The following NUP35 variants were observed in gnomAD, a reference collection of about 807,000 sequenced individuals.
NUP35 encodes nucleoporin NUP35.
NUP35 carries 25 observed loss-of-function variants against 41.5 expected under a neutral mutation model. That is an observed-to-expected ratio of 0.60 (90% CI 0.44 to 0.84). NUP35 has a LOEUF of 0.84. Among genes scored for constraint, NUP35 ranks in the 40% least tolerant of loss-of-function variants. The pLI is 0.00. For synonymous variants in NUP35, 149 were observed against 130.7 expected, an observed-to-expected ratio of 1.14 and a Z score of -0.96; for missense variants, 396 against 396.6, an observed-to-expected ratio of 1.00 and a Z score of 0.01.
intron 4 of NUP35, among the ~76,000 whole-genome samples, chr2:183,138,355 A>G (rs963959682): frequency 2.0e-5 from 3 of 148,204 alleles, no homozygotes; most frequent in Admixed American, 6.8e-5. Flanking sequence ...GAGATTGGCA[A>G]GTTTTATAAA....
In NUP35 at chr2:183,127,117, C is replaced by T. The variant is rs143267885; in HGVS notation, c.41-1170C>T. On this transcript the variant is annotated intron_variant, in intron 1 of 8. Coordinates refer to ENST00000295119, the MANE Select transcript of NUP35 (RefSeq NM_138285.5). The stretch of plus-strand genomic sequence containing the variant: ...TCCATAGCCCATTGTTTTCCTTATT[C>T]TGCTATTTTGCTCTGAAATTAGAAT... Among the ~76,000 whole-genome samples, 17 of 152,240 alleles carry T rather than the reference C, an allele frequency of 1.1e-4. No homozygotes were observed. In the East Asian group the frequency reaches 3.1e-3, roughly 28 times the overall value.
At chr2:183,138,265 A>AAATTT (rs1684957819) in intron 4 of NUP35, among the ~76,000 whole-genome samples, 1 of 69,190 alleles carries the variant, frequency 1.4e-5, no homozygotes, top group Non-Finnish European at 2.7e-5. Context: ...ATATATATAT[A>AAATTT]TATATTTTTT....
chr2:183,159,435 GGAT>G, intron 7 of NUP35, 50 bp from the exon 8 acceptor site: 1 of 1,365,992 alleles, frequency 7.3e-7, no homozygotes, highest in Non-Finnish European at 1.0e-6. Flanking sequence ...ATGTAATACT[GGAT>G]GATATGTATT....
At chr2:183,131,136 G>A in intron 3 of NUP35, 1 of 250,210 alleles carries the variant, frequency 4.0e-6, no homozygotes, top group Middle Eastern at 1.6e-3. Flanking sequence ...TGCTATGCCT[G>A]GCTAATTGTA....
At chr2:183,136,356 A>G (rs913289270) in intron 4 of NUP35, among the ~76,000 whole-genome samples, 2 of 152,228 alleles carry the variant, frequency 1.3e-5, no homozygotes, top group Non-Finnish European at 2.9e-5. Flanking sequence ...TCAGATGTCA[A>G]CAGGGCTGTG....
intron 4 of NUP35, among the ~76,000 whole-genome samples, chr2:183,137,546 A>G (rs1313442453): frequency 6.6e-6 from 1 of 152,216 alleles, no homozygotes; most frequent in African/African-American, 2.4e-5. Flanking sequence ...TGATCACACC[A>G]CTGCATTCCA....
intron 4 of NUP35, among the ~76,000 whole-genome samples, chr2:183,145,878 C>T (rs969705365): frequency 1.3e-5 from 2 of 152,076 alleles, no homozygotes; most frequent in African/African-American, 2.4e-5. Flanking sequence ...AAAGAGTTAT[C>T]AAGTAAAAAC....
intron 7 of NUP35, 73 bp downstream of exon 7, chr2:183,158,484 C>T (rs1685755969): frequency 1.9e-5 from 25 of 1,336,762 alleles, no homozygotes; most frequent in Admixed American, 1.2e-4. Flanking sequence ...TGAAATTGGT[C>T]GTTGTGTCAC....
rs9333283 is a variant in NUP35, at chr2:183,130,414, G to T, written c.212-4G>T. On this transcript the variant is annotated splice_region_variant and splice_polypyrimidine_tract_variant and intron_variant, in intron 2 of 8. Coordinates refer to ENST00000295119, the MANE Select transcript of NUP35 (RefSeq NM_138285.5). ...TTTTTTTTTTTTTTTTTTGTACACTGTAGGTGGGTCACCACCACAACCAGT... is the reference window on the plus strand; with the variant it reads ...TTTTTTTTTTTTTTTTTTGTACACTTTAGGTGGGTCACCACCACAACCAGT... 0.065 allele frequency: 85,573 copies of T among 1,320,294 alleles called. 3,053 individuals are homozygous for T. The highest frequency in any genetic ancestry group is 0.15 in the South Asian group (12,083 of 79,016). 81.8% of individuals were successfully genotyped at this position (1,320,294 alleles called of 1,614,324 possible). A position where few individuals can be genotyped will look rare whatever the true frequency, so the allele number is the denominator to read the frequency against.
At position 183,151,492 on chromosome 2, in the gene NUP35, A is replaced by G. The variant is rs1001145729; in HGVS notation, c.398-16A>G. The G allele has an allele frequency of 1.6e-5, 26 of 1,609,172 alleles. No homozygotes were observed. Among genetic ancestry groups the G allele is most frequent in the Non-Finnish European group, 2.2e-5 (26 of 1,178,572 alleles). ...TGTTTACACTGGCAACTAACTTGCT[A>G]AATATACTAATATAGGGCAAAGTAT... is the stretch of plus-strand genomic sequence containing the variant. On this transcript the variant is annotated splice_polypyrimidine_tract_variant and intron_variant, in intron 4 of 8. Transcript: ENST00000295119.
Position 183,158,334 on chromosome 2 carries a change from G to T in NUP35, c.661G>T (p.Ala221Ser), listed in dbSNP as rs1197295580. The T allele has an allele frequency of 1.2e-6, 2 of 1,608,514 alleles. No individual in the cohort carries two copies. Among genetic ancestry groups the T allele is most frequent in the South Asian group, 2.2e-5 (2 of 90,296 alleles). ...MHIRYQSKLQ[A>S]RKALSKDGRI... is the part of the protein sequence containing the mutation. ...TATTCGTTATCAATCTAAACTGCAG[G>T]CTCGGAAAGCCTTAAGCAAAGATGG... is the stretch of plus-strand genomic sequence containing the variant. Residue 221 changes from alanine to serine, a missense_variant, in exon 7 of 9, where the codon GCT (alanine) becomes TCT (serine). Transcript: ENST00000295119.
chr2:183,128,507 G>A (rs770460202), intron 2 of NUP35, 50 bp downstream of exon 2: 2 of 1,437,724 alleles, frequency 1.4e-6, no homozygotes, highest in Non-Finnish European at 1.9e-6. Flanking sequence ...ATACAGGGAT[G>A]TCCAATTTTT....
chr2:183,120,424 T>G (rs1700050612), upstream of NUP35, among the ~76,000 whole-genome samples: 1 of 134,742 alleles, frequency 7.4e-6, no homozygotes, highest in South Asian at 2.2e-4. Flanking sequence ...CCAGCCTGGA[T>G]GACAGAGTGA....
chr2:183,133,446 C>A, intron 3 of NUP35, 120 bp from the exon 4 acceptor site: 3 of 701,724 alleles, frequency 4.3e-6, no homozygotes, highest in Non-Finnish European at 4.6e-6. Context: ...GTACTTTGAG[C>A]TAATTAGAGG....
At chr2:183,148,021 T>G in intron 4 of NUP35, among the ~76,000 whole-genome samples, 1 of 152,180 alleles carries the variant, frequency 6.6e-6, no homozygotes, top group Admixed American at 6.5e-5. Context: ...TTTTTGTGAA[T>G]ACTTTTTTAA....
rs1449801624 is a variant in NUP35 at position 183,159,614 on chromosome 2, C to T, written c.865C>T (p.Leu289Phe). ...STPRISTMRP[L>F]ATAYKASTSD... is the part of the protein sequence containing the mutation. ...TCCTAGGATTTCTACCATGAGACCTCTTGCTACAGCATACAAAGCCTCTAC... is the reference window on the plus strand; with the variant it reads ...TCCTAGGATTTCTACCATGAGACCTTTTGCTACAGCATACAAAGCCTCTAC... The change falls in exon 8 of 9, where the codon CTT becomes TTT. Residue 289 changes from leucine (L) to phenylalanine (F), a missense_variant. Coordinates refer to ENST00000295119, the MANE Select transcript of NUP35 (RefSeq NM_138285.5). 1.2e-6 allele frequency: 2 copies of T among 1,613,202 alleles called. No homozygotes were observed. The highest frequency in any genetic ancestry group is 1.1e-5 in the South Asian group (1 of 91,054).
At chr2:183,117,772 T>C (rs943818321) in intron 1 of NUP35, 1 of 152,134 alleles carries the variant, frequency 6.6e-6, no homozygotes, top group South Asian at 2.1e-4. Flanking sequence ...TATAAATAGG[T>C]TGATGAATAT....
upstream of NUP35, chr2:183,123,750 G>C: frequency 1.0e-6 from 1 of 983,524 alleles, no homozygotes; most frequent in Non-Finnish European, 1.2e-6. Flanking sequence ...AAGAAAAGCA[G>C]CAAAGTGAGG....
intron 2 of NUP35, 140 bp from the exon 3 acceptor site, chr2:183,130,278 C>A (rs1415997614): frequency 1.2e-6 from 1 of 823,950 alleles, no homozygotes; most frequent in East Asian, 2.7e-5. Context: ...TAACAAGGTC[C>A]CCAGGTGACT....
Sources: gnomAD v4.1 joint callset for allele counts (sites outside exome capture counted in the v4.1 genomes callset) on GRCh38, gnomAD v4.1.1 for gene constraint, MANE v1.5 for transcripts, NCBI Gene and HGNC (gene_info 2026-07-23, HGNC 2026-07-21) for gene names.